Variants in CCDC7 observed in about 807,000 individuals in gnomAD.
CCDC7 encodes coiled-coil domain containing 7.
A neutral mutation model predicts 196.9 loss-of-function variants in CCDC7; 183 were observed. The ratio of observed to expected loss-of-function variants is 0.93; its 90% CI spans 0.82 to 1.05. The LOEUF (loss-of-function observed/expected upper bound fraction) is 1.05. Ranked by LOEUF, CCDC7 falls within the 50% of genes least tolerant of loss-of-function variation. The pLI, the probability that CCDC7 is intolerant of heterozygous loss-of-function variation, is 0.00. For missense variants in CCDC7, 1,540 were observed against 1,482.2 expected, an observed-to-expected ratio of 1.04 and a Z score of -0.64; for synonymous variants, 525 against 484.6, an observed-to-expected ratio of 1.08 and a Z score of -1.10.
upstream of CCDC7, among the ~76,000 whole-genome samples, chr10:32,450,614 G>A (rs2032789604): frequency 1.3e-5 from 2 of 152,084 alleles, no homozygotes; most frequent in African/African-American, 4.8e-5. Context: ...CTGAGTCTTA[G>A]CTTTGAGGGG....
At chr10:32,719,359 T>C (rs1220779368) in intron 25 of CCDC7, among the ~76,000 whole-genome samples, 19 of 152,140 alleles carry the variant, frequency 1.2e-4, no homozygotes. Flanking sequence ...CCTTACATCT[T>C]ATACAAACAT....
At chr10:32,830,900 C>T (rs549556145) in intron 32 of CCDC7, among the ~76,000 whole-genome samples, 1 of 152,230 alleles carries the variant, frequency 6.6e-6, no homozygotes, top group South Asian at 2.1e-4. Context: ...AATTCACAAC[C>T]AGATCCAACA....
At chr10:32,544,445 A>G in intron 13 of CCDC7, 144 bp downstream of exon 14, 1 of 700,698 alleles carries the variant, frequency 1.4e-6, no homozygotes, top group Non-Finnish European at 2.1e-6. Context: ...TGTGTACTAA[A>G]ATTCTTCCTG....
chr10:32,674,736 C>T (rs528131809), intron 21 of CCDC7, among the ~76,000 whole-genome samples: 1 of 152,092 alleles, frequency 6.6e-6, no homozygotes, highest in African/African-American at 2.4e-5. Flanking sequence ...TGTGCTCTGA[C>T]GTTGGACACA....
At chr10:32,472,669 A>C in intron 7 of CCDC7, 127 bp downstream of exon 8, 4 of 800,442 alleles carry the variant, frequency 5.0e-6, no homozygotes, top group Non-Finnish European at 7.0e-6. Flanking sequence ...AATATCGCTC[A>C]CTGCAGCCTC....
intron 13 of CCDC7, among the ~76,000 whole-genome samples, chr10:32,558,862 A>G (rs1284509399): frequency 6.6e-6 from 1 of 152,216 alleles, no homozygotes; most frequent in Non-Finnish European, 1.5e-5. Context: ...AAGCAGGGCG[A>G]GGCATTGCCT....
intron 20 of CCDC7, among the ~76,000 whole-genome samples, chr10:32,651,424 C>G (rs7087373): frequency 0.14 from 21,454 of 152,104 alleles, 1,854 homozygotes; most frequent in African/African-American, 0.25. Context: ...ACTGTGAGCT[C>G]TGTCTATGAG....
chr10:32,613,070 A>G (rs902155931), intron 18 of CCDC7, among the ~76,000 whole-genome samples: 2 of 152,082 alleles, frequency 1.3e-5, no homozygotes, highest in Non-Finnish European at 2.9e-5. Flanking sequence ...TTTGGTTGGT[A>G]GGCTATTAAT....
At chr10:32,534,265 T>TA (rs2050130967) in intron 11 of CCDC7, among the ~76,000 whole-genome samples, 1 of 152,320 alleles carries the variant, frequency 6.6e-6, no homozygotes, top group African/African-American at 2.4e-5. Flanking sequence ...AAAATTATTT[T>TA]AAACTTGTTG....
intron 18 of CCDC7, among the ~76,000 whole-genome samples, chr10:32,633,917 C>T (rs536059055): frequency 4.6e-5 from 7 of 151,776 alleles, no homozygotes; most frequent in Admixed American, 1.3e-4. Flanking sequence ...TCTTGTATTA[C>T]ATTTCATGAA....
intron 33 of CCDC7, among the ~76,000 whole-genome samples, chr10:32,835,952 A>G (rs2092567944): frequency 6.6e-6 from 1 of 152,168 alleles, no homozygotes; most frequent in Non-Finnish European, 1.5e-5. Context: ...TGTGATAAGA[A>G]GAGGAGTATA....
At chr10:32,673,653 A>ATGTGTG (rs772678414) in intron 21 of CCDC7, among the ~76,000 whole-genome samples, 16,528 of 120,566 alleles carry the variant, frequency 0.14, 1,168 homozygotes, top group East Asian at 0.28. Context: ...ACCATTGTGC[A>ATGTGTG]CGTGTGTGTG....
intron 25 of CCDC7, among the ~76,000 whole-genome samples, chr10:32,717,680 A>T (rs1192331028): frequency 1.3e-5 from 2 of 152,170 alleles, no homozygotes; most frequent in Non-Finnish European, 2.9e-5. Flanking sequence ...CACAATAAAA[A>T]ATGATAAAGG....
chr10:32,602,739 G>A (rs2061188111), intron 18 of CCDC7, among the ~76,000 whole-genome samples: 1 of 152,126 alleles, frequency 6.6e-6, no homozygotes, highest in Admixed American at 6.5e-5. Flanking sequence ...GTTAATATAA[G>A]TTGAGTAACT....
chr10:32,857,065 G>A (rs959612464), intron 41 of CCDC7, among the ~76,000 whole-genome samples: 5 of 152,112 alleles, frequency 3.3e-5, no homozygotes, highest in Non-Finnish European at 5.9e-5. Context: ...TCAACACCAA[G>A]AGAGATGCCC....
intron 22 of CCDC7, among the ~76,000 whole-genome samples, 165 bp from the exon 44 acceptor site, chr10:32,882,528 A>G (rs963049461): frequency 1.3e-5 from 2 of 152,196 alleles, no homozygotes; most frequent in Non-Finnish European, 2.9e-5. Context: ...TGATTTTTGA[A>G]AAGAGCTCTA....
At chr10:32,704,959 C>A (rs2079444365) in intron 24 of CCDC7, among the ~76,000 whole-genome samples, 1 of 152,172 alleles carries the variant, frequency 6.6e-6, no homozygotes, top group Admixed American at 6.5e-5. Flanking sequence ...CCTTGCACTT[C>A]CCGGGTGAGG....
exon 17 of CCDC7, chr10:32,583,035 T>G: frequency 1.6e-6 from 2 of 1,230,908 alleles, no homozygotes; most frequent in Non-Finnish European, 2.0e-6. Flanking sequence ...ATTCTAAAGC[T>G]CAGAGAAGAA....
intron 28 of CCDC7, among the ~76,000 whole-genome samples, chr10:32,756,154 G>T (rs914292830): frequency 6.6e-6 from 1 of 152,196 alleles, no homozygotes; most frequent in Admixed American, 6.5e-5. Flanking sequence ...AAGTGACAGG[G>T]AGAATGGAAC....
Sources: allele counts gnomAD v4.1 joint callset (sites outside exome capture counted in the v4.1 genomes callset), GRCh38; gene constraint gnomAD v4.1.1; transcripts MANE v1.5; gene names NCBI Gene and HGNC (gene_info 2026-07-23, HGNC 2026-07-21).